CADM2: variants seen among roughly 807,000 people sequenced by gnomAD.
CADM2 encodes cell adhesion molecule 2.
CADM2 carries 12 observed loss-of-function variants against 49.8 expected under a neutral mutation model. The observed-to-expected ratio is 0.24, with a 90% confidence interval of 0.15 to 0.39. CADM2 has a LOEUF of 0.39. CADM2 is among the 10% of genes least tolerant of loss of function. The pLI is 1.00. For missense variants in CADM2, 378 were observed against 492.3 expected (o/e 0.77, Z 2.20); for synonymous variants, 214 against 175.4 (o/e 1.22, Z -1.74).
intron 1 of CADM2, among the ~76,000 whole-genome samples, chr3:85,384,594 G>A (rs533911021): frequency 1.3e-5 from 2 of 151,982 alleles, no homozygotes; most frequent in South Asian, 4.2e-4. Context: ...GTTTACAGGC[G>A]TCAGCCACCG....
At chr3:85,621,502 G>C (rs1183134769) in intron 1 of CADM2, among the ~76,000 whole-genome samples, 1 of 152,008 alleles carries the variant, frequency 6.6e-6, no homozygotes, top group Non-Finnish European at 1.5e-5. Flanking sequence ...ATTTTGCCTA[G>C]TACATATAAT....
At chr3:85,992,625 A>T (rs1336379674) in intron 8 of CADM2, 4 of 152,164 alleles carry the variant, frequency 2.6e-5, no homozygotes, top group Non-Finnish European at 5.9e-5. Context: ...AGTGCATATA[A>T]AAGTTAACTA....
chr3:85,166,234 G>A (rs1434593147), intron 1 of CADM2, among the ~76,000 whole-genome samples: 2 of 151,780 alleles, frequency 1.3e-5, no homozygotes, highest in African/African-American at 4.8e-5. Flanking sequence ...TTAAACATCC[G>A]TCATCCGCAC....
At chr3:85,937,874 CAAAGT>C in intron 7 of CADM2, among the ~76,000 whole-genome samples, 1 of 151,978 alleles carries the variant, frequency 6.6e-6, no homozygotes, top group Non-Finnish European at 1.5e-5. Flanking sequence ...ACAACGTCTT[CAAAGT>C]AAAGTAGTCA....
chr3:85,673,847 T>C (rs2065818306), intron 1 of CADM2, among the ~76,000 whole-genome samples: 1 of 152,198 alleles, frequency 6.6e-6, no homozygotes, highest in South Asian at 2.1e-4. Context: ...ACTGGGATGC[T>C]AAATCAGAAA....
chr3:85,529,946 T>C (rs1222919227), intron 1 of CADM2, among the ~76,000 whole-genome samples: 1 of 152,134 alleles, frequency 6.6e-6, no homozygotes, highest in Non-Finnish European at 1.5e-5. Context: ...CACTTATCTA[T>C]GTAATAATTT....
intron 1 of CADM2, among the ~76,000 whole-genome samples, chr3:85,594,631 T>C (rs886510655): frequency 3.9e-5 from 6 of 151,958 alleles, no homozygotes; most frequent in African/African-American, 1.4e-4. Flanking sequence ...TTATGTTAGA[T>C]AAGGGTATAA....
At chr3:85,782,327 T>C (rs1207172952) in intron 2 of CADM2, among the ~76,000 whole-genome samples, 3 of 152,180 alleles carry the variant, frequency 2.0e-5, no homozygotes, top group African/African-American at 7.2e-5. Context: ...ACAGGAAATA[T>C]ATCTACTCTG....
intron 1 of CADM2, among the ~76,000 whole-genome samples, chr3:85,479,121 T>C (rs916646378): frequency 2.0e-5 from 3 of 151,806 alleles, no homozygotes; most frequent in African/African-American, 7.3e-5. Flanking sequence ...ATTTTTATTA[T>C]TTATTTTTGT....
chr3:85,283,036 A>G (rs1193831558), intron 1 of CADM2, among the ~76,000 whole-genome samples: 1 of 152,104 alleles, frequency 6.6e-6, no homozygotes, highest in Admixed American at 6.6e-5. Context: ...TTTTATGTAT[A>G]AATAAAAAAG....
intron 1 of CADM2, among the ~76,000 whole-genome samples, chr3:85,044,247 G>A (rs1196763489): frequency 1.3e-5 from 2 of 152,154 alleles, no homozygotes; most frequent in African/African-American, 2.4e-5. Context: ...ATTAGGAGCA[G>A]TTGGCCAAAA....
chr3:85,056,067 A>C (rs1231133569), intron 1 of CADM2, among the ~76,000 whole-genome samples: 1 of 152,092 alleles, frequency 6.6e-6, no homozygotes, highest in Non-Finnish European at 1.5e-5. Flanking sequence ...ATTTTTATTC[A>C]TGAGATCACT....
chr3:85,174,490 G>A (rs111734333), intron 1 of CADM2, among the ~76,000 whole-genome samples: 4,398 of 150,560 alleles, frequency 0.029, 226 homozygotes, highest in African/African-American at 0.1. Context: ...TATGTTTTCA[G>A]CTGACTTGTA....
At chr3:85,752,487 C>T (rs2068908584) in intron 2 of CADM2, among the ~76,000 whole-genome samples, 1 of 150,340 alleles carries the variant, frequency 6.7e-6, no homozygotes, top group Non-Finnish European at 1.5e-5. Context: ...CACACACACA[C>T]ACACACACAC....
chr3:85,642,189 T>C (rs547997791), intron 1 of CADM2, among the ~76,000 whole-genome samples: 10 of 152,344 alleles, frequency 6.6e-5, no homozygotes, highest in Non-Finnish European at 1.2e-4. Flanking sequence ...GTTTGTTTAA[T>C]ACTGCTACCC....
intron 1 of CADM2, among the ~76,000 whole-genome samples, chr3:85,012,453 A>G (rs942822844): frequency 1.3e-5 from 2 of 149,930 alleles, no homozygotes; most frequent in African/African-American, 4.9e-5. Context: ...TATTTTTCAC[A>G]GTGCAAAATA....
At chr3:85,585,699 T>A (rs1438242057) in intron 1 of CADM2, among the ~76,000 whole-genome samples, 1 of 152,054 alleles carries the variant, frequency 6.6e-6, no homozygotes, top group Admixed American at 6.6e-5. Context: ...ATCTGTGTTC[T>A]AAAAGCTGTT....
At chr3:85,768,667 A>T (rs1409686764) in intron 2 of CADM2, among the ~76,000 whole-genome samples, 2 of 147,134 alleles carry the variant, frequency 1.4e-5, no homozygotes, top group African/African-American at 4.9e-5. Flanking sequence ...TACTGATGGA[A>T]TCTGAATATA....
chr3:85,199,378 A>T (rs1187056110), intron 1 of CADM2, among the ~76,000 whole-genome samples: 3 of 149,762 alleles, frequency 2.0e-5, no homozygotes, highest in Admixed American at 6.7e-5. Flanking sequence ...TATGAGAGAG[A>T]GAGAGAGAGA....
Sources: gnomAD v4.1 joint callset for allele counts (sites outside exome capture counted in the v4.1 genomes callset) on GRCh38, gnomAD v4.1.1 for gene constraint, MANE v1.5 for transcripts, NCBI Gene and HGNC (gene_info 2026-07-23, HGNC 2026-07-21) for gene names.